The following GPHN variants were observed in gnomAD, a reference collection of about 807,000 sequenced individuals.
GPHN encodes the protein gephyrin.
GPHN carries 17 observed loss-of-function variants against 95.5 expected under a neutral mutation model. The observed-to-expected ratio is 0.18, with a 90% CI of 0.12 to 0.27. GPHN has a LOEUF of 0.27. Ranked by LOEUF, GPHN falls within the 10% of genes least tolerant of loss-of-function variation. GPHN has a pLI of 1.00. For synonymous variants in GPHN, 320 were observed against 322.5 expected (o/e 0.99, Z 0.08); for missense variants, 660 against 978.1 (o/e 0.67, Z 4.34).
the GPHN span, among the ~76,000 whole-genome samples, chr14:67,422,526 A>G: frequency 6.6e-6 from 1 of 152,220 alleles, no homozygotes; most frequent in African/African-American, 2.4e-5. Context: ...AAGTTAAATG[A>G]ATAAAGGTAG....
At chr14:66,690,266 T>G (rs1336691814) in intron 2 of GPHN, among the ~76,000 whole-genome samples, 6 of 152,146 alleles carry the variant, frequency 3.9e-5, no homozygotes, top group Non-Finnish European at 8.8e-5. Context: ...ATTTGAAATT[T>G]TTTTCTTAAT....
chr14:67,622,565 CTTCTT>C, the GPHN span, among the ~76,000 whole-genome samples: 1 of 152,192 alleles, frequency 6.6e-6, no homozygotes, highest in East Asian at 1.9e-4. Flanking sequence ...AAGATTTAGT[CTTCTT>C]TTAATGTGTG....
At chr14:67,240,255 G>T in the GPHN span, among the ~76,000 whole-genome samples, 1 of 152,178 alleles carries the variant, frequency 6.6e-6, no homozygotes. Context: ...CTTCGTTCAG[G>T]CCATCACAGT....
the GPHN span, chr14:67,392,788 C>T: frequency 6.2e-7 from 1 of 1,613,906 alleles, no homozygotes; most frequent in Non-Finnish European, 8.5e-7. Context: ...AGGCCAGGGT[C>T]ACCGCCTCCA....
the GPHN span, chr14:67,388,239 T>A: frequency 2.5e-6 from 4 of 1,612,608 alleles, no homozygotes; most frequent in South Asian, 3.3e-5. Flanking sequence ...GGAACGCCAT[T>A]ATCTTCCAGA....
At chr14:66,672,019 A>G (rs1181997081) in intron 1 of GPHN, among the ~76,000 whole-genome samples, 1 of 152,058 alleles carries the variant, frequency 6.6e-6, no homozygotes, top group Non-Finnish European at 1.5e-5. Context: ...AGCTAGTTTG[A>G]TAAGGTGGAG....
intron 1 of GPHN, among the ~76,000 whole-genome samples, chr14:66,558,322 T>C (rs868354904): frequency 6.6e-6 from 1 of 152,152 alleles, no homozygotes; most frequent in Admixed American, 6.5e-5. Context: ...ATAACTGATA[T>C]TTTGTACAAA....
the GPHN span, chr14:67,340,405 CAAAAG>C: frequency 6.3e-7 from 1 of 1,581,540 alleles, no homozygotes; most frequent in Non-Finnish European, 8.7e-7. Context: ...ATATGGAAAA[CAAAAG>C]ATGATCAATA....
chr14:66,705,052 C>G (rs1241540441), intron 2 of GPHN, among the ~76,000 whole-genome samples: 2 of 152,224 alleles, frequency 1.3e-5, no homozygotes, highest in African/African-American at 4.8e-5. Context: ...GGCAAATAAA[C>G]TAGAAAATCT....
chr14:66,949,993 GAAAAAAAAAAAAAA>G (rs71129809), intron 8 of GPHN, among the ~76,000 whole-genome samples: 9 of 57,814 alleles, frequency 1.6e-4, no homozygotes, highest in East Asian at 6.7e-4. Context: ...TTTAGGACAG[GAAAAAAAAAAAAAA>G]AAAAAAAAAA....
At chr14:66,600,550 A>G (rs990007609) in intron 1 of GPHN, among the ~76,000 whole-genome samples, 1 of 152,142 alleles carries the variant, frequency 6.6e-6, no homozygotes, top group Non-Finnish European at 1.5e-5. Context: ...CTGTTTAAAG[A>G]CAACTTATTT....
intron 9 of GPHN, among the ~76,000 whole-genome samples, chr14:66,988,692 A>G (rs2071193393): frequency 6.6e-6 from 1 of 152,052 alleles, no homozygotes; most frequent in Non-Finnish European, 1.5e-5. Context: ...TATCCACTCA[A>G]TCCTGTACAT....
intron 12 of GPHN, among the ~76,000 whole-genome samples, chr14:67,093,081 G>T (rs1175485141): frequency 6.6e-6 from 1 of 152,012 alleles, no homozygotes; most frequent in Non-Finnish European, 1.5e-5. Flanking sequence ...TTGGAAAAAA[G>T]GAATATTTTG....
intron 2 of GPHN, among the ~76,000 whole-genome samples, chr14:66,737,805 G>T (rs951323475): frequency 6.6e-6 from 1 of 152,134 alleles, no homozygotes; most frequent in Non-Finnish European, 1.5e-5. Context: ...TTAAAAATGT[G>T]TATTATATTC....
At chr14:66,734,653 C>G (rs1425390335) in intron 2 of GPHN, among the ~76,000 whole-genome samples, 1 of 152,124 alleles carries the variant, frequency 6.6e-6, no homozygotes. Context: ...AGTAAAAATA[C>G]TTTTTATGTG....
At chr14:66,536,605 A>G (rs2059155597) in intron 1 of GPHN, among the ~76,000 whole-genome samples, 1 of 152,056 alleles carries the variant, frequency 6.6e-6, no homozygotes, top group African/African-American at 2.4e-5. Flanking sequence ...GTTTTATTTC[A>G]AAGTGTTTGT....
At chr14:66,869,257 T>C (rs1301906502) in intron 4 of GPHN, among the ~76,000 whole-genome samples, 1 of 152,230 alleles carries the variant, frequency 6.6e-6, no homozygotes, top group Non-Finnish European at 1.5e-5. Flanking sequence ...CATTAACAGA[T>C]ACAGATAACC....
At chr14:67,127,249 A>G (rs2079381800) in intron 17 of GPHN, among the ~76,000 whole-genome samples, 1 of 135,928 alleles carries the variant, frequency 7.4e-6, no homozygotes, top group Non-Finnish European at 1.5e-5. Flanking sequence ...AACTTAAAGT[A>G]TAATAAAAAA....
At chr14:66,936,159 A>G (rs925133321) in intron 8 of GPHN, among the ~76,000 whole-genome samples, 1 of 152,150 alleles carries the variant, frequency 6.6e-6, no homozygotes, top group Admixed American at 6.5e-5. Context: ...TGGGCGGATC[A>G]CCTGAGGTCA....
Sources: allele counts gnomAD v4.1 joint callset (sites outside exome capture counted in the v4.1 genomes callset), GRCh38; gene constraint gnomAD v4.1.1; transcripts MANE v1.5; gene names NCBI Gene and HGNC (gene_info 2026-07-23, HGNC 2026-07-21).